The following FOXH1 variants were observed in gnomAD, a reference collection of about 807,000 sequenced individuals.
FOXH1 encodes the protein forkhead box H1, also known as forkhead box protein H1.
Under a neutral mutation model 14.2 loss-of-function variants are expected in FOXH1, and 10 were observed. That is an observed-to-expected ratio of 0.70 (90% CI 0.43 to 1.19). The LOEUF is 1.19. FOXH1 is among the 50% of genes most tolerant of loss of function. FOXH1 has a pLI of 0.00. For missense variants in FOXH1, 643 were observed against 492.1 expected, an observed-to-expected ratio of 1.31 and a Z score of -2.90; for synonymous variants, 273 against 209.5, an observed-to-expected ratio of 1.30 and a Z score of -2.62.
chr8:144,475,117 G>T lies in FOXH1; in HGVS notation c.279+40C>A, dbSNP rs770884589. ...AACCTTGGATGCTCAGGACTTCCGC[G>T]CGCGCTCCGCCCCCGGGCTCCGACC... On this transcript the variant is annotated intron_variant, in intron 2 of 2. Transcript: ENST00000377317. The T allele has an allele frequency of 1.6e-5, 25 of 1,606,408 alleles. 1 individual carries two copies. In the South Asian group the frequency reaches 2.7e-4, roughly 17 times the overall value.
chr8:144,473,640 G>C lies in FOXH1; in HGVS notation c.*598C>G, dbSNP rs1424173114. The C allele has an allele frequency of 1.9e-6, 1 of 528,504 alleles. No homozygotes were observed. The highest frequency in any genetic ancestry group is 3.2e-6 in the Non-Finnish European group (1 of 317,334). 32.7% of individuals were successfully genotyped at this position (528,504 alleles called of 1,614,324 possible). On this transcript the variant is annotated 3_prime_UTR_variant, in exon 3 of 3. Transcript: ENST00000377317. ...CTTGGCTTTCTCCTTATCACCATTT[G>C]CTGTTATCACGGCACACAGCAGGGA...
Position 144,474,115 on chromosome 8 carries a change from C to G in FOXH1, c.*123G>C. The G allele has an allele frequency of 1.3e-6, 1 of 767,308 alleles. No individual in the cohort carries two copies. Among genetic ancestry groups the G allele is most frequent in the Non-Finnish European group, 2.1e-6 (1 of 486,288 alleles). 47.5% of individuals were successfully genotyped at this position (767,308 alleles called of 1,614,324 possible). ...TGGCCCAATAAACACCGTGGACTCCCAGCAAGGCTGCTGCCTGGTGTTTCG... is the reference window on the plus strand; with the variant it reads ...TGGCCCAATAAACACCGTGGACTCCGAGCAAGGCTGCTGCCTGGTGTTTCG... On this transcript the variant is annotated 3_prime_UTR_variant, in exon 3 of 3. Coordinates refer to ENST00000377317, the MANE Select transcript of FOXH1 (RefSeq NM_003923.3).
chr8:144,474,728 G>T lies in FOXH1; in HGVS notation c.608C>A (p.Ala203Glu). Residue 203 changes from alanine to glutamate, a missense_variant, in exon 3 of 3, where the codon GCG becomes GAG. Transcript: ENST00000377317. ...AGAGGGAAGGGGTGGGGTGGGCACC[G>T]CCTCCTCCCCACTGTTCCCTGTGCC... ...PAGTGNSGEE[A>E]VPTPPLPSSE... is the part of the protein sequence containing the mutation. 2 of 1,548,568 alleles carry T rather than the reference G, an allele frequency of 1.3e-6. No individual in the cohort carries two copies. Among genetic ancestry groups the T allele is most frequent in the Non-Finnish European group, 1.7e-6 (2 of 1,145,752 alleles).
Position 144,474,383 on chromosome 8 carries a change from C to A in FOXH1, c.953G>T (p.Arg318Leu), listed in dbSNP as rs371033241. 1 of 1,613,170 alleles carries A rather than the reference C, an allele frequency of 6.2e-7. No individual in the cohort carries two copies. The highest frequency in any genetic ancestry group is 8.5e-7 in the Non-Finnish European group (1 of 1,179,998). ...ATCGCAGAGCAGCCCTGGGGGCCCT[C>A]GGGTTTCAGGGGCCACCCCCCAGTA... The part of the protein sequence containing the change: ...PAYWGVAPET[R>L]GPPGLLCDLD... The change falls in exon 3 of 3, where the codon CGA becomes CTA. Residue 318 changes from arginine (R) to leucine (L), a missense_variant. Arg to Leu is a moderately radical substitution (Grantham distance 102, BLOSUM62 -2). Transcript: ENST00000377317.
rs1564751442 is a variant in FOXH1, at chr8:144,474,214, G to A, written c.*24C>T. On this transcript the variant is annotated 3_prime_UTR_variant, in exon 3 of 3. Transcript: ENST00000377317. ...AAGGTGGGGGTGGGAGCGGGAGGGA[G>A]GAGTGGCCCCTGTCTTAAGAGCCTC... 6.6e-7 allele frequency: 1 copy of A among 1,515,472 alleles called. No homozygotes were observed. The highest frequency in any genetic ancestry group is 2.3e-5 in the East Asian group (1 of 43,894). The allele number at this position is 1,515,472 out of a possible 1,614,324, so 93.9% of individuals were successfully genotyped here. A position where few individuals can be genotyped will look rare whatever the true frequency, so the allele number is the denominator to read the frequency against.
In FOXH1 at chr8:144,474,474, T is replaced by C. The variant is rs575125945; in HGVS notation, c.862A>G (p.Asn288Asp). Residue 288 changes from asparagine to aspartate, a missense_variant, in exon 3 of 3, where the codon AAT becomes GAT. By Grantham distance (23) the Asn-to-Asp change is conservative. Coordinates refer to ENST00000377317, the MANE Select transcript of FOXH1 (RefSeq NM_003923.3). The stretch of plus-strand genomic sequence containing the variant: ...GGTGGTGCCAAGGGCATTACCACAT[T>C]GGGAGTGTAGATAGGCAAGTAGGAG... ...PTSYLPIYTPNVVMPLAPPPT... is the reference protein window; with the variant it reads ...PTSYLPIYTPDVVMPLAPPPT... 1 of 1,612,272 alleles carries C rather than the reference T, an allele frequency of 6.2e-7. No individual in the cohort carries two copies. Among genetic ancestry groups the C allele is most frequent in the Admixed American group, 1.7e-5 (1 of 60,014 alleles).
chr8:144,475,847 CCGGGCTGGGGCAGG>C (rs772641578), exon 1 of FOXH1: 50 of 883,610 alleles, frequency 5.7e-5, no homozygotes, highest in Non-Finnish European at 6.9e-5. Flanking sequence ...GGACCTGAGG[CCGGGCTGGGGCAGG>C]CGGGCTGGGG....
rs753475192 is a variant in FOXH1, at chr8:144,474,804, C to T, written c.532G>A (p.Glu178Lys). 8 of 1,607,924 alleles carry T rather than the reference C, an allele frequency of 5.0e-6. No individual in the cohort carries two copies. The highest frequency in any genetic ancestry group is 2.7e-5 in the African/African-American group (2 of 74,798). Residue 178 changes from glutamate to lysine, a missense_variant, in exon 3 of 3, where the codon GAG (glutamate) becomes AAG (lysine). Coordinates refer to ENST00000377317, the MANE Select transcript of FOXH1 (RefSeq NM_003923.3). ...GCTAGCCCCGGCCAGGGTGCCCCCTCCCCGGACCCTCCTAGCAGGGACTTG... is the reference window on the plus strand; with the variant it reads ...GCTAGCCCCGGCCAGGGTGCCCCCTTCCCGGACCCTCCTAGCAGGGACTTG... ...SIKSLLGGSG[E>K]GAPWPGLAPQ...
Position 144,473,983 on chromosome 8 carries a change from TC to T in FOXH1, c.*254del, listed in dbSNP as rs971455933. The T allele has an allele frequency of 5.5e-6, 3 of 547,362 alleles. No individual in the cohort carries two copies. Among genetic ancestry groups the T allele is most frequent in the Non-Finnish European group, 9.7e-6 (3 of 309,236 alleles). The allele number at this position is 547,362 out of a possible 1,614,324, so 33.9% of individuals were successfully genotyped here. Reference sequence around the variant, plus strand: ...AGAAGAGGGGACTAGGAAGGGCTATTCCAGGCTCAGCCCTGCTCCTGCAGCT... The same window carrying T: ...AGAAGAGGGGACTAGGAAGGGCTATTCAGGCTCAGCCCTGCTCCTGCAGCT... On this transcript the variant is annotated 3_prime_UTR_variant, in exon 3 of 3. Coordinates refer to ENST00000377317, the MANE Select transcript of FOXH1 (RefSeq NM_003923.3).
rs1465915181 is a variant in FOXH1 at position 144,473,472 on chromosome 8, C to G, written c.*766G>C. 1.4e-6 allele frequency: 2 copies of G among 1,459,746 alleles called. No homozygotes were observed. Among genetic ancestry groups the G allele is most frequent in the Non-Finnish European group, 9.0e-7 (1 of 1,108,480 alleles). 90.4% of individuals were successfully genotyped at this position (1,459,746 alleles called of 1,614,324 possible). On this transcript the variant is annotated 3_prime_UTR_variant, in exon 3 of 3. Transcript: ENST00000377317. ...GTAGTAAAGTCCCTGTACCCCGTCTCCCAGGGCACAAGCTCCCTAGCCTCT... is the reference window on the plus strand; with the variant it reads ...GTAGTAAAGTCCCTGTACCCCGTCTGCCAGGGCACAAGCTCCCTAGCCTCT...
chr8:144,474,460 G>A lies in FOXH1; in HGVS notation c.876C>T (p.Pro292=), dbSNP rs1245887302. The change falls in exon 3 of 3, where the codon CCC becomes CCT. Residue 292 remains proline, a synonymous_variant. Coordinates refer to ENST00000377317, the MANE Select transcript of FOXH1 (RefSeq NM_003923.3). The stretch of plus-strand genomic sequence containing the variant: ...GACAGGAGGTGGGTGGTGGTGCCAA[G>A]GGCATTACCACATTGGGAGTGTAGA... The part of the protein sequence containing the change: ...LPIYTPNVVM[P]LAPPPTSCPQ... 6 of 1,612,628 alleles carry A rather than the reference G, an allele frequency of 3.7e-6. No individual in the cohort carries two copies. The highest frequency in any genetic ancestry group is 1.1e-5 in the South Asian group (1 of 91,066).
Position 144,474,792 on chromosome 8 carries a change from A to G in FOXH1, c.544T>C (p.Trp182Arg). The change falls in exon 3 of 3, where the codon TGG becomes CGG. Residue 182 changes from tryptophan (W) to arginine (R), a missense_variant. By Grantham distance (101) the Trp-to-Arg change is moderately radical. Coordinates refer to ENST00000377317, the MANE Select transcript of FOXH1 (RefSeq NM_003923.3). ...LLGGSGEGAP[W>R]PGLAPQSSPV... ...CTGCTCTGTGGAGCTAGCCCCGGCC[A>G]GGGTGCCCCCTCCCCGGACCCTCCT... is the stretch of plus-strand genomic sequence containing the variant. The G allele has an allele frequency of 6.2e-7, 1 of 1,604,458 alleles. No individual in the cohort carries two copies. The highest frequency in any genetic ancestry group is 1.1e-5 in the South Asian group (1 of 90,334).
Position 144,475,703 on chromosome 8 carries a change from G to C in FOXH1, c.54C>G (p.Ser18=), listed in dbSNP as rs748058531. 13 of 1,423,390 alleles carry C rather than the reference G, an allele frequency of 9.1e-6. No individual in the cohort carries two copies. Among genetic ancestry groups the C allele is most frequent in the East Asian group, 5.2e-5 (2 of 38,402 alleles). 88.2% of individuals were successfully genotyped at this position (1,423,390 alleles called of 1,614,324 possible). A position where few individuals can be genotyped will look rare whatever the true frequency, so the allele number is the denominator to read the frequency against. Residue 18 remains serine (S), a synonymous_variant, in exon 1 of 3, where the codon TCC becomes TCG. Transcript: ENST00000377317. ...RLGPPEAESP[S]QPPKRRKKRY... is the part of the protein sequence containing the mutation. ...TCTTCTTCCTCCTCTTAGGGGGCTG[G>C]GAGGGCGACTCTGCCTCTGGGGGCC...
At position 144,473,963 on chromosome 8, in the gene FOXH1, A is replaced by G. The variant is rs538984852; in HGVS notation, c.*275T>C. On this transcript the variant is annotated 3_prime_UTR_variant, in exon 3 of 3. Transcript: ENST00000377317. ...GATGGATGGGTAGTGGGCTGAGAAG[A>G]GGGGACTAGGAAGGGCTATTCCAGG... The G allele has an allele frequency of 2.0e-6, 1 of 509,732 alleles. No homozygotes were observed. Among genetic ancestry groups the G allele is most frequent in the East Asian group, 3.2e-5 (1 of 31,562 alleles). The allele number at this position is 509,732 out of a possible 1,614,324, so 31.6% of individuals were successfully genotyped here. A position where few individuals can be genotyped will look rare whatever the true frequency, so the allele number is the denominator to read the frequency against.
chr8:144,475,341 G>T, intron 1 of FOXH1, 80 bp from the exon 2 acceptor site: 1 of 1,223,058 alleles, frequency 8.2e-7, no homozygotes, highest in Non-Finnish European at 1.2e-6. Flanking sequence ...CCACTACCGG[G>T]CTCAGGGGCG....
rs1825055073 is a variant in FOXH1, at chr8:144,473,982, T to G, written c.*256A>C. 3.7e-6 allele frequency: 2 copies of G among 546,918 alleles called. No individual in the cohort carries two copies. The highest frequency in any genetic ancestry group is 1.9e-5 in the African/African-American group (1 of 53,178). 33.9% of individuals were successfully genotyped at this position (546,918 alleles called of 1,614,324 possible). ...GAGAAGAGGGGACTAGGAAGGGCTATTCCAGGCTCAGCCCTGCTCCTGCAG... is the reference window on the plus strand; with the variant it reads ...GAGAAGAGGGGACTAGGAAGGGCTAGTCCAGGCTCAGCCCTGCTCCTGCAG... On this transcript the variant is annotated 3_prime_UTR_variant, in exon 3 of 3. Coordinates refer to ENST00000377317, the MANE Select transcript of FOXH1 (RefSeq NM_003923.3).
rs1825077050 is a variant in FOXH1 at position 144,474,500 on chromosome 8, G to A, written c.836C>T (p.Thr279Ile). Residue 279 changes from threonine to isoleucine, a missense_variant, in exon 3 of 3, where the codon ACC becomes ATC. By Grantham distance (89) the Thr-to-Ile change is moderately conservative. Transcript: ENST00000377317. The stretch of plus-strand genomic sequence containing the variant: ...GGGAGTGTAGATAGGCAAGTAGGAG[G>A]TGGGCAGCTGCCCCCAGAGGGAGGC... ...HRASLWGQLP[T>I]SYLPIYTPNV... 2.5e-6 allele frequency: 4 copies of A among 1,611,456 alleles called. No homozygotes were observed. Among genetic ancestry groups the A allele is most frequent in the African/African-American group, 1.3e-5 (1 of 74,996 alleles).
intron 1 of FOXH1, 110 bp from the exon 2 acceptor site, chr8:144,475,371 G>T: frequency 2.0e-6 from 2 of 1,006,174 alleles, no homozygotes; most frequent in Non-Finnish European, 3.0e-6. Context: ...GGCCCCTGCT[G>T]TCCCCGAAGA....
chr8:144,474,164 C>T lies in FOXH1; in HGVS notation c.*74G>A, dbSNP rs562738425. On this transcript the variant is annotated 3_prime_UTR_variant, in exon 3 of 3. Coordinates refer to ENST00000377317, the MANE Select transcript of FOXH1 (RefSeq NM_003923.3). ...CGAGGCTGCTGTGGTCGCAGACAGC[C>T]GCCTCGCCTTGGCTCCCTGTCAACA... 6.1e-4 allele frequency: 734 copies of T among 1,200,052 alleles called. 1 individual carries two copies. The highest frequency in any genetic ancestry group is 2.5e-3 in the Admixed American group (92 of 36,306). 74.3% of individuals were successfully genotyped at this position (1,200,052 alleles called of 1,614,324 possible). A position where few individuals can be genotyped will look rare whatever the true frequency, so the allele number is the denominator to read the frequency against.
Sources: allele counts gnomAD v4.1 joint callset, GRCh38; gene constraint gnomAD v4.1.1; transcripts MANE v1.5; gene names NCBI Gene and HGNC (gene_info 2026-07-23, HGNC 2026-07-21).